SLC9A7: variants seen among roughly 807,000 people sequenced by gnomAD.
SLC9A7 encodes sodium/hydrogen exchanger 7.
A neutral mutation model predicts 52.6 loss-of-function variants in SLC9A7; 19 were observed. The ratio of observed to expected loss-of-function variants is 0.36; its 90% confidence interval spans 0.25 to 0.53. SLC9A7 has a LOEUF of 0.53. Among genes scored for constraint, SLC9A7 ranks in the 20% least tolerant of loss-of-function variants. The pLI, the probability that SLC9A7 is intolerant of heterozygous loss-of-function variation, is 0.91. For missense variants in SLC9A7, 455 were observed against 597.9 expected, an observed-to-expected ratio of 0.76 and a Z score of 2.49; for synonymous variants, 226 against 252.1, an observed-to-expected ratio of 0.90 and a Z score of 0.98.
intron 1 of SLC9A7, among the ~76,000 whole-genome samples, chrX:46,701,080 G>C (rs1944523809): frequency 9.0e-6 from 1 of 110,888 alleles, no homozygotes; most frequent in Non-Finnish European, 1.9e-5. Context: ...AAACTGATGG[G>C]GCCAGATGGA....
intron 3 of SLC9A7, among the ~76,000 whole-genome samples, chrX:46,679,405 G>A (rs766404225): frequency 2.7e-5 from 3 of 112,394 alleles, no homozygotes; most frequent in Non-Finnish European, 5.6e-5. Context: ...GTGAAACTGT[G>A]GGTCATATGG....
rs1409676950 is a variant in SLC9A7 at position 46,648,720 on chromosome X, A to C, written c.1428T>G (p.Ile476Met). Residue 476 changes from isoleucine to methionine, a missense_variant, in exon 11 of 17, where the codon ATT becomes ATG. Ile to Met is a conservative substitution (Grantham distance 10). This residue lies in a region of SLC9A7 where 304 missense variants were observed against 417.8 expected (regional missense o/e 0.73). Coordinates refer to ENST00000616978, the MANE Select transcript of SLC9A7 (RefSeq NM_001257291.2). Reference protein sequence around the residue: ...FFLNLGRRHKIGWNFQHMMMF... With the variant: ...FFLNLGRRHKMGWNFQHMMMF... ...TCATCATGTGTTGAAAATTCCAGCC[A>C]ATCTTATGCCTTCTGCCCAAGTTGA... 1 of 1,211,047 alleles carries C rather than the reference A, an allele frequency of 8.3e-7. No homozygotes were observed. The highest frequency in any genetic ancestry group is 2.2e-5 in the Admixed American group (1 of 45,984).
At chrX:46,737,395 G>A (rs1194248876) in intron 1 of SLC9A7, among the ~76,000 whole-genome samples, 1 of 112,065 alleles carries the variant, frequency 8.9e-6, no homozygotes, top group African/African-American at 3.2e-5. Context: ...AACAGTATCT[G>A]TCCCAAGTAA....
At chrX:46,663,615 G>C in intron 5 of SLC9A7, among the ~76,000 whole-genome samples, 1 of 83,726 alleles carries the variant, frequency 1.2e-5, no homozygotes, top group African/African-American at 4.5e-5. Context: ...TCCAGCCTGG[G>C]CAACAAGAGT....
intron 7 of SLC9A7, among the ~76,000 whole-genome samples, chrX:46,660,913 C>T (rs1302398501): frequency 9.2e-6 from 1 of 108,933 alleles, no homozygotes; most frequent in Non-Finnish European, 1.9e-5. Context: ...TATAAAGACA[C>T]ATGCACACGT....
At chrX:46,610,406 TGGTG>T (rs1942829316) in intron 16 of SLC9A7, among the ~76,000 whole-genome samples, 1 of 112,526 alleles carries the variant, frequency 8.9e-6, no homozygotes, top group African/African-American at 3.2e-5. Flanking sequence ...ACCTTTTAGA[TGGTG>T]GGTAAGAACC....
rs57833520 is a variant in SLC9A7 at position 46,612,924 on chromosome X, C to CAA, written c.1929+363_1929+364dup. 7.3e-3 allele frequency among the ~76,000 whole-genome samples: 236 copies of CAA among 32,470 alleles called. 9 individuals are homozygous for CAA. Among genetic ancestry groups the CAA allele is most frequent in the Non-Finnish European group, 9.9e-3 (191 of 19,342 alleles). 28.2% of individuals were successfully genotyped at this position (32,470 alleles called of 115,157 possible). Reference sequence around the variant, plus strand: ...TGGGCGACAGAGTGAGACTCCGTCTCAAAAAAAAAAAAAAAAAAAAAAAAA... The same window carrying CAA: ...TGGGCGACAGAGTGAGACTCCGTCTCAAAAAAAAAAAAAAAAAAAAAAAAAAA... On this transcript the variant is annotated intron_variant, in intron 16 of 16. Transcript: ENST00000616978.
At chrX:46,718,653 T>C (rs977577673) in intron 1 of SLC9A7, among the ~76,000 whole-genome samples, 1 of 112,079 alleles carries the variant, frequency 8.9e-6, no homozygotes, top group Non-Finnish European at 1.9e-5. Context: ...AACAGACACT[T>C]CTCAAAAGAA....
chrX:46,654,756 G>A (rs969099769), intron 7 of SLC9A7, among the ~76,000 whole-genome samples: 3 of 111,009 alleles, frequency 2.7e-5, no homozygotes, highest in Admixed American at 9.6e-5. Context: ...GATCCTTCTT[G>A]TAACAGTGCC....
intron 3 of SLC9A7, among the ~76,000 whole-genome samples, chrX:46,676,819 C>G (rs189576050): frequency 9.0e-6 from 1 of 111,335 alleles, no homozygotes; most frequent in Admixed American, 9.5e-5. Flanking sequence ...ACAATATAGT[C>G]TTTTTTGTAC....
Position 46,656,730 on chromosome X carries a change from C to G in SLC9A7, c.1042-3016G>C, listed in dbSNP as rs1943701972. Among the ~76,000 whole-genome samples, 4 of 111,361 alleles carry G rather than the reference C, an allele frequency of 3.6e-5. No homozygotes were observed. In the South Asian group the frequency reaches 1.5e-3, roughly 42 times the overall value. On this transcript the variant is annotated intron_variant, in intron 7 of 16. Transcript: ENST00000616978. Reference sequence around the variant, plus strand: ...AGAAATATGGGATTATGTGAAAAGACCAAATCTACATCTGATTGGTGTACC... The same window carrying G: ...AGAAATATGGGATTATGTGAAAAGAGCAAATCTACATCTGATTGGTGTACC...
chrX:46,622,127 T>G (rs1243260925), intron 14 of SLC9A7, among the ~76,000 whole-genome samples: 1 of 112,264 alleles, frequency 8.9e-6, no homozygotes, highest in Non-Finnish European at 1.9e-5. Context: ...ACAGCAAAGA[T>G]TATTTTTAAA....
chrX:46,611,683 G>C (rs1464211147), intron 16 of SLC9A7, among the ~76,000 whole-genome samples: 1 of 112,611 alleles, frequency 8.9e-6, no homozygotes, highest in Non-Finnish European at 1.9e-5. Context: ...CTTCCTCTGA[G>C]GGGGCCAAGG....
chrX:46,662,903 T>C (rs1943848708), intron 5 of SLC9A7, among the ~76,000 whole-genome samples: 1 of 112,740 alleles, frequency 8.9e-6, no homozygotes, highest in Non-Finnish European at 1.9e-5. Context: ...CCATCACACT[T>C]TGAAAGTATC....
At chrX:46,672,700 A>G in intron 3 of SLC9A7, 73 bp from the exon 4 acceptor site, 1 of 766,259 alleles carries the variant, frequency 1.3e-6, no homozygotes, top group Non-Finnish European at 2.0e-6. Flanking sequence ...AAACACATTA[A>G]AAGTCTCTAA....
chrX:46,744,147 AT>A (rs1921567149), intron 1 of SLC9A7, among the ~76,000 whole-genome samples: 1 of 112,227 alleles, frequency 8.9e-6, no homozygotes, highest in Non-Finnish European at 1.9e-5. Flanking sequence ...TAGCCATTAC[AT>A]CCACATTCCA....
At chrX:46,705,496 C>T (rs1161413461) in intron 1 of SLC9A7, among the ~76,000 whole-genome samples, 1 of 112,027 alleles carries the variant, frequency 8.9e-6, no homozygotes, top group Non-Finnish European at 1.9e-5. Context: ...CCTGTAATTC[C>T]AGCACTTTGG....
intron 14 of SLC9A7, among the ~76,000 whole-genome samples, chrX:46,624,132 G>A (rs1943086360): frequency 8.9e-6 from 1 of 112,586 alleles, no homozygotes; most frequent in Admixed American, 9.4e-5. Context: ...TCTTCCATTA[G>A]GCTATTTCCG....
chrX:46,708,488 C>G (rs1378709289), intron 1 of SLC9A7, among the ~76,000 whole-genome samples: 1 of 110,100 alleles, frequency 9.1e-6, no homozygotes, highest in Non-Finnish European at 1.9e-5. Context: ...CGAGATCGCA[C>G]CACTGCACTC....
Sources: allele counts gnomAD v4.1 joint callset (sites outside exome capture counted in the v4.1 genomes callset), GRCh38; gene constraint gnomAD v4.1.1; regional missense constraint gnomAD v4.1.1; transcripts MANE v1.5; gene names NCBI Gene and HGNC (gene_info 2026-07-23, HGNC 2026-07-21).